TARBP1: variants seen among roughly 807,000 people sequenced by gnomAD.
TARBP1 encodes tRNA guanosine 2 -O-methyltransferase TARBP1, also known as tRNA (guanosine(18)-2'-O)-methyltransferase TARBP1.
In TARBP1, 144 loss-of-function variants were observed where a neutral mutation model predicts 178.6. The observed-to-expected ratio is 0.81, with a 90% CI of 0.70 to 0.93. TARBP1 has a LOEUF of 0.93. Ranked by LOEUF, TARBP1 falls within the 40% of genes least tolerant of loss-of-function variation. The pLI is 0.00. For missense variants in TARBP1, 2,067 were observed against 2,011.7 expected (o/e 1.03, Z -0.53); for synonymous variants, 787 against 781.0 (o/e 1.01, Z -0.13).
At chr1:234,414,228 C>T (rs1002543507) in intron 22 of TARBP1, among the ~76,000 whole-genome samples, 3 of 152,190 alleles carry the variant, frequency 2.0e-5, no homozygotes, top group African/African-American at 7.2e-5. Context: ...ATGGACATGG[C>T]TGTGTTCCAA....
At chr1:234,400,056 A>AT (rs373374268) in intron 25 of TARBP1, among the ~76,000 whole-genome samples, 1 of 152,034 alleles carries the variant, frequency 6.6e-6, no homozygotes, top group Non-Finnish European at 1.5e-5. Context: ...ATAAAAACAA[A>AT]AAAAAAACAA....
chr1:234,467,478 AG>A (rs1558253124), intron 4 of TARBP1, 23 bp downstream of exon 4: 2 of 1,528,512 alleles, frequency 1.3e-6, no homozygotes, highest in East Asian at 2.5e-5. Flanking sequence ...AATGGGAGCA[AG>A]GAAGGGGACA....
chr1:234,457,728 G>GT lies in TARBP1; in HGVS notation c.1660dup (p.Thr554AsnfsTer24). ...CTCTTGTCTCAGAGACATGAGAAAA[G>GT]TTGAGACATCAGAAAGTGACACTTT... On this transcript the variant is annotated frameshift_variant, in exon 9 of 30. Transcript: ENST00000040877. LOFTEE classifies it high-confidence loss of function. 1 of 1,609,264 alleles carries GT rather than the reference G, an allele frequency of 6.2e-7. No individual in the cohort carries two copies.
rs201436990 is a variant in TARBP1, at chr1:234,450,399, T to C, written c.1861+29A>G. On this transcript the variant is annotated intron_variant, in intron 10 of 29. Transcript: ENST00000040877. Reference sequence around the variant, plus strand: ...GTTCTTTGAAAATATTTTGGTTATATCAATCCATAAAAATGATTGCAGACT... The same window carrying C: ...GTTCTTTGAAAATATTTTGGTTATACCAATCCATAAAAATGATTGCAGACT... 5 of 1,540,604 alleles carry C rather than the reference T, an allele frequency of 3.2e-6. No individual in the cohort carries two copies. The East Asian group carries it at 9.7e-5, about 30-fold the overall frequency.
chr1:234,393,686 G>A lies in TARBP1; in HGVS notation c.4395C>T (p.Ile1465=), dbSNP rs147711858. 1.5e-5 allele frequency: 25 copies of A among 1,613,790 alleles called. No individual in the cohort carries two copies. The highest frequency in any genetic ancestry group is 2.2e-5 in the East Asian group (1 of 44,884). Residue 1465 remains isoleucine, a synonymous_variant, in exon 27 of 30, where the codon ATC becomes ATT. Transcript: ENST00000040877. ...GTTTGTCGATGAGCGAGGCCACAAC[G>A]ATGAGTCTACTAATTGACTTTCCAA... ...ARLGKSISRL[I]VVASLIDKPT... is the part of the protein sequence containing the mutation.
chr1:234,425,603 G>T, intron 20 of TARBP1, 70 bp downstream of exon 20: 1 of 1,439,174 alleles, frequency 6.9e-7, no homozygotes, highest in Non-Finnish European at 9.6e-7. Context: ...ACATATTCTA[G>T]CAACATAAAG....
intron 23 of TARBP1, among the ~76,000 whole-genome samples, chr1:234,408,367 T>A (rs1446678639): frequency 1.3e-5 from 2 of 152,176 alleles, no homozygotes; most frequent in African/African-American, 4.8e-5. Context: ...CAACTAACTT[T>A]GGGAGAAACT....
intron 26 of TARBP1, among the ~76,000 whole-genome samples, chr1:234,395,959 G>A (rs1281896503): frequency 6.6e-6 from 1 of 152,110 alleles, no homozygotes; most frequent in African/African-American, 2.4e-5. Context: ...TGACAGATAT[G>A]CTAATTATCC....
chr1:234,433,381 A>G (rs781172812), intron 14 of TARBP1, 29 bp downstream of exon 14: 2 of 1,601,860 alleles, frequency 1.2e-6, no homozygotes, highest in Non-Finnish European at 1.7e-6. Context: ...ATTCAAGATA[A>G]CTACAAACCT....
In TARBP1 at chr1:234,429,719, T is replaced by C. The variant is rs199863808; in HGVS notation, c.2610-42A>G. 2.4e-4 allele frequency: 353 copies of C among 1,491,544 alleles called. 1 individual carries two copies. The African/African-American group carries it at 4.5e-3, about 19-fold the overall frequency. The allele number at this position is 1,491,544 out of a possible 1,614,324, so 92.4% of individuals were successfully genotyped here. On this transcript the variant is annotated intron_variant, in intron 15 of 29. Transcript: ENST00000040877. The stretch of plus-strand genomic sequence containing the variant: ...AGTTACTAGGCCATACTTCCCCAAT[T>C]TGCCTCCACGTCTTTTGCACGTAGC...
At chr1:234,421,972 AG>A (rs1221818450) in intron 20 of TARBP1, among the ~76,000 whole-genome samples, 2 of 152,242 alleles carry the variant, frequency 1.3e-5, no homozygotes, top group Admixed American at 1.3e-4. Flanking sequence ...AAATTAATAT[AG>A]ATTTTAATGA....
At chr1:234,455,751 T>C (rs539359558) in intron 9 of TARBP1, among the ~76,000 whole-genome samples, 2 of 152,148 alleles carry the variant, frequency 1.3e-5, no homozygotes, top group Non-Finnish European at 2.9e-5. Flanking sequence ...CAAAGCTAAA[T>C]TTTTTAAAAA....
chr1:234,478,623 C>A lies in TARBP1; in HGVS notation c.481G>T (p.Glu161Ter). The A allele has an allele frequency of 7.7e-7, 1 of 1,301,612 alleles. No individual in the cohort carries two copies. Among genetic ancestry groups the A allele is most frequent in the South Asian group, 2.0e-5 (1 of 49,160 alleles). The allele number at this position is 1,301,612 out of a possible 1,614,324, so 80.6% of individuals were successfully genotyped here. A position where few individuals can be genotyped will look rare whatever the true frequency, so the allele number is the denominator to read the frequency against. ...GCGACGGCGGTCCCCGCCACGCGCT[C>A]CAGTAGCGGCCCGTCCTCGCGGGGC... ...LRPREDGPLL[E>*]RVAGTAVALA... is the part of the protein sequence containing the mutation. Residue 161 changes from glutamate to a stop codon, truncating the protein, a stop_gained, in exon 1 of 30, where the codon GAG becomes TAG. Coordinates refer to ENST00000040877, the MANE Select transcript of TARBP1 (RefSeq NM_005646.4). LOFTEE classifies it high-confidence loss of function.
At chr1:234,393,540 A>G in intron 27 of TARBP1, 54 bp from the exon 28 acceptor site, 11 of 1,564,334 alleles carry the variant, frequency 7.0e-6, no homozygotes, top group Non-Finnish European at 8.7e-6. Flanking sequence ...TGCTAAGCTC[A>G]TCATGTCGCA....
rs115188926 is a variant in TARBP1 at position 234,465,232 on chromosome 1, T to C, written c.1301+424A>G. 4.7e-3 allele frequency among the ~76,000 whole-genome samples: 716 copies of C among 152,242 alleles called. 10 individuals are homozygous for C. The highest frequency in any genetic ancestry group is 0.017 in the African/African-American group (687 of 41,540). ...GTAAAACCTTAACATTCAGGGAATA[T>C]GGGTGAAAGGGAAATGAGAATTCTT... On this transcript the variant is annotated intron_variant, in intron 5 of 29. Transcript: ENST00000040877.
intron 23 of TARBP1, among the ~76,000 whole-genome samples, chr1:234,409,930 T>A (rs547448274): frequency 6.6e-6 from 1 of 152,354 alleles, no homozygotes; most frequent in African/African-American, 2.4e-5. Context: ...TCTGCCTATC[T>A]GTGTGAGAAC....
At chr1:234,425,913 A>C in intron 19 of TARBP1, 120 bp from the exon 20 acceptor site, 1 of 724,304 alleles carries the variant, frequency 1.4e-6, no homozygotes, top group Non-Finnish European at 2.2e-6. Context: ...AAAATTAAGT[A>C]GGTCCATACT....
At chr1:234,454,989 C>T (rs775805586) in intron 9 of TARBP1, among the ~76,000 whole-genome samples, 16 of 151,994 alleles carry the variant, frequency 1.1e-4, no homozygotes, top group Non-Finnish European at 1.5e-4. Flanking sequence ...GATATGAAGA[C>T]GAAGCAGAGA....
intron 24 of TARBP1, among the ~76,000 whole-genome samples, chr1:234,403,741 T>C (rs1395137786): frequency 3.9e-5 from 6 of 152,216 alleles, no homozygotes; most frequent in Non-Finnish European, 7.4e-5. Flanking sequence ...TGGAGTGCAG[T>C]GGCGCAATCT....
Sources: allele counts gnomAD v4.1 joint callset (sites outside exome capture counted in the v4.1 genomes callset), GRCh38; gene constraint gnomAD v4.1.1; transcripts MANE v1.5; gene names NCBI Gene and HGNC (gene_info 2026-07-23, HGNC 2026-07-21).